The following SCHIP1 variants were observed in gnomAD, a reference collection of about 807,000 sequenced individuals.
SCHIP1 encodes schwannomin-interacting protein 1.
In SCHIP1, 8 loss-of-function variants were observed where a neutral mutation model predicts 29.7. That is an observed-to-expected ratio of 0.27 (90% CI 0.16 to 0.49). The LOEUF (loss-of-function observed/expected upper bound fraction) is 0.49. SCHIP1 is among the 20% of genes least tolerant of loss of function. The probability of loss-of-function intolerance (pLI) is 0.99; values close to 1 mark genes in which losing one functional copy is unlikely to be tolerated. For missense variants in SCHIP1, 193 were observed against 294.6 expected, an observed-to-expected ratio of 0.66 and a Z score of 2.52; for synonymous variants, 76 against 94.9, an observed-to-expected ratio of 0.80 and a Z score of 1.16.
At chr3:159,818,585 G>C in the SCHIP1 span, among the ~76,000 whole-genome samples, 1 of 152,234 alleles carries the variant, frequency 6.6e-6, no homozygotes, top group African/African-American at 2.4e-5. Flanking sequence ...GAAGCCTGGG[G>C]CAGGGAACCA....
At chr3:159,352,998 A>C in the SCHIP1 span, among the ~76,000 whole-genome samples, 1 of 152,140 alleles carries the variant, frequency 6.6e-6, no homozygotes, top group African/African-American at 2.4e-5. Flanking sequence ...AACAGGATAG[A>C]ATAAACGGTT....
chr3:159,830,483 A>G, the SCHIP1 span, among the ~76,000 whole-genome samples: 2 of 152,238 alleles, frequency 1.3e-5, no homozygotes, highest in African/African-American at 4.8e-5. Flanking sequence ...AATAATAAAC[A>G]TAAGCATAAC....
the SCHIP1 span, among the ~76,000 whole-genome samples, chr3:159,664,271 A>C: frequency 6.6e-6 from 1 of 152,198 alleles, no homozygotes; most frequent in Non-Finnish European, 1.5e-5. Context: ...GGAGAGACCT[A>C]GAATCTAGTT....
the SCHIP1 span, among the ~76,000 whole-genome samples, chr3:159,750,259 GTGTGTATATATATATATATA>G: frequency 0.012 from 147 of 11,888 alleles, 5 homozygotes; most frequent in East Asian, 0.13. Flanking sequence ...GTGTATGTGT[GTGTGTATATATATATATATA>G]TATATATATA....
the SCHIP1 span, among the ~76,000 whole-genome samples, chr3:159,582,787 T>TATACAC: frequency 7.4e-3 from 1,073 of 144,226 alleles, 9 homozygotes; most frequent in East Asian, 0.048. Context: ...AATATATATA[T>TATACAC]ACACACACAC....
At chr3:159,545,712 CAATAT>C in the SCHIP1 span, among the ~76,000 whole-genome samples, 49 of 146,476 alleles carry the variant, frequency 3.3e-4, 1 homozygote, top group South Asian at 1.7e-3. Flanking sequence ...ATCTTTTGTA[CAATAT>C]ATTATATATT....
At chr3:159,315,621 C>T in the SCHIP1 span, among the ~76,000 whole-genome samples, 2,906 of 151,742 alleles carry the variant, frequency 0.019, 52 homozygotes, top group Non-Finnish European at 0.031. Flanking sequence ...AGAACCATAG[C>T]CTAAGTATAA....
At chr3:159,840,541 C>G (rs927480676) in intron 1 of SCHIP1, among the ~76,000 whole-genome samples, 12 of 152,212 alleles carry the variant, frequency 7.9e-5, no homozygotes, top group African/African-American at 2.7e-4. Flanking sequence ...TGTTTGGAAT[C>G]TCACATCGAT....
chr3:159,548,249 ATATT>A, the SCHIP1 span, among the ~76,000 whole-genome samples: 6 of 152,018 alleles, frequency 3.9e-5, no homozygotes, highest in African/African-American at 1.4e-4. Flanking sequence ...TTTTATTTAC[ATATT>A]TATTTATGCA....
the SCHIP1 span, among the ~76,000 whole-genome samples, chr3:159,752,923 A>AT: frequency 6.6e-6 from 1 of 152,192 alleles, no homozygotes. Context: ...GTAAACATCT[A>AT]TTTTTTGACA....
the SCHIP1 span, among the ~76,000 whole-genome samples, chr3:159,632,842 G>T: frequency 6.6e-6 from 1 of 152,180 alleles, no homozygotes; most frequent in East Asian, 1.9e-4. Flanking sequence ...TAAACCACAA[G>T]GTGGGGAGAT....
At chr3:159,273,759 C>G in the SCHIP1 span, 1 of 1,597,586 alleles carries the variant, frequency 6.3e-7, no homozygotes, top group Non-Finnish European at 8.5e-7. Context: ...GGATTTCTTT[C>G]AAAGCCAATT....
chr3:159,598,175 C>T, the SCHIP1 span, among the ~76,000 whole-genome samples: 2 of 152,138 alleles, frequency 1.3e-5, no homozygotes, highest in Non-Finnish European at 2.9e-5. Context: ...GACACAGAGT[C>T]AAACCATATT....
the SCHIP1 span, among the ~76,000 whole-genome samples, chr3:159,447,709 T>C: frequency 1.3e-5 from 2 of 152,224 alleles, no homozygotes; most frequent in African/African-American, 2.4e-5. Flanking sequence ...AGGCTCAATA[T>C]GATGGTTACA....
intron 1 of SCHIP1, among the ~76,000 whole-genome samples, chr3:159,847,240 A>C (rs1050816089): frequency 6.6e-6 from 1 of 152,214 alleles, no homozygotes; most frequent in African/African-American, 2.4e-5. Context: ...CACCCTATTC[A>C]TGCACATACA....
At chr3:159,347,152 C>T in the SCHIP1 span, among the ~76,000 whole-genome samples, 2 of 152,144 alleles carry the variant, frequency 1.3e-5, no homozygotes, top group African/African-American at 4.8e-5. Flanking sequence ...CACATTGTAC[C>T]ATACCATAGT....
chr3:159,711,761 AAC>A, the SCHIP1 span, among the ~76,000 whole-genome samples: 37 of 152,336 alleles, frequency 2.4e-4, no homozygotes, highest in Non-Finnish European at 4.9e-4. Context: ...AAAGGGCTTC[AAC>A]ACAGGGAATT....
chr3:159,478,442 ATC>A, the SCHIP1 span, among the ~76,000 whole-genome samples: 1 of 152,204 alleles, frequency 6.6e-6, no homozygotes, highest in African/African-American at 2.4e-5. Flanking sequence ...TGGTCTATGT[ATC>A]TGTTTTTATG....
At chr3:159,795,928 G>C in the SCHIP1 span, among the ~76,000 whole-genome samples, 2 of 152,172 alleles carry the variant, frequency 1.3e-5, no homozygotes, top group African/African-American at 4.8e-5. Context: ...AGCATTTGAT[G>C]TGCAGATTCT....
Sources: allele counts gnomAD v4.1 joint callset (sites outside exome capture counted in the v4.1 genomes callset), GRCh38; gene constraint gnomAD v4.1.1; transcripts MANE v1.5; gene names NCBI Gene and HGNC (gene_info 2026-07-23, HGNC 2026-07-21).